COL10A1: variants seen among roughly 807,000 people sequenced by gnomAD.
COL10A1 encodes the protein collagen alpha-1(X) chain.
Under a neutral mutation model 18.2 loss-of-function variants are expected in COL10A1, and 10 were observed. The ratio of observed to expected loss-of-function variants is 0.55; its 90% CI spans 0.34 to 0.93. The LOEUF (loss-of-function observed/expected upper bound fraction) is 0.93. Ranked by LOEUF, COL10A1 falls within the 40% of genes least tolerant of loss-of-function variation. The probability of loss-of-function intolerance (pLI) is 0.02; values close to 1 mark genes in which losing one functional copy is unlikely to be tolerated. For synonymous variants in COL10A1, 330 were observed against 316.6 expected (o/e 1.04, Z -0.45); for missense variants, 897 against 853.5 (o/e 1.05, Z -0.64).
chr6:116,172,072 T>G, the COL10A1 span, among the ~76,000 whole-genome samples: 28 of 152,172 alleles, frequency 1.8e-4, no homozygotes, highest in Non-Finnish European at 4.0e-4. Context: ...CATCTATGGT[T>G]TCAGTGTTTT....
At chr6:116,150,164 G>T (rs1780002186) in intron 1 of COL10A1, among the ~76,000 whole-genome samples, 1 of 152,212 alleles carries the variant, frequency 6.6e-6, no homozygotes, top group African/African-American at 2.4e-5. Context: ...TTTTACAGAA[G>T]AGTGACCAAT....
upstream of COL10A1, among the ~76,000 whole-genome samples, chr6:116,127,121 A>G (rs1779337544): frequency 1.3e-5 from 2 of 152,200 alleles, no homozygotes; most frequent in Admixed American, 1.3e-4. Context: ...GAGGAGGACA[A>G]TTCCATACAC....
chr6:116,125,733 A>G, intron 1 of COL10A1: 1 of 360,060 alleles, frequency 2.8e-6, no homozygotes, highest in Non-Finnish European at 5.1e-6. Context: ...AAATAAAATG[A>G]TTTACCTAAA....
intron 1 of COL10A1, among the ~76,000 whole-genome samples, chr6:116,133,651 C>G (rs1779520954): frequency 6.6e-6 from 1 of 152,042 alleles, no homozygotes; most frequent in Non-Finnish European, 1.5e-5. Flanking sequence ...ATGCTGGGCC[C>G]TTGTCTGTTT....
the COL10A1 span, among the ~76,000 whole-genome samples, chr6:116,191,924 T>C: frequency 6.6e-6 from 1 of 152,094 alleles, no homozygotes; most frequent in Non-Finnish European, 1.5e-5. Flanking sequence ...TGCTGCTTCC[T>C]GTAAGCTACA....
At chr6:116,194,752 A>G in the COL10A1 span, among the ~76,000 whole-genome samples, 1 of 152,036 alleles carries the variant, frequency 6.6e-6, no homozygotes, top group African/African-American at 2.4e-5. Context: ...AAGAGTTAGA[A>G]ACAAATGACT....
At chr6:116,184,846 A>G in the COL10A1 span, among the ~76,000 whole-genome samples, 1 of 151,752 alleles carries the variant, frequency 6.6e-6, no homozygotes, top group Non-Finnish European at 1.5e-5. Context: ...TTGTTATATT[A>G]TGTTTTGTAA....
At chr6:116,209,528 C>T in the COL10A1 span, among the ~76,000 whole-genome samples, 2 of 151,922 alleles carry the variant, frequency 1.3e-5, no homozygotes, top group Admixed American at 1.3e-4. Context: ...TATAGTGTAA[C>T]ATGATGAATG....
intron 1 of COL10A1, among the ~76,000 whole-genome samples, chr6:116,154,500 C>T (rs1780131396): frequency 6.6e-6 from 1 of 151,996 alleles, no homozygotes; most frequent in Non-Finnish European, 1.5e-5. Flanking sequence ...TTTATGTTAA[C>T]CTTAATTTAA....
Position 116,121,420 on chromosome 6 carries a change from G to A in COL10A1, c.696C>T (p.Gly232=). 1.9e-6 allele frequency: 3 copies of A among 1,614,022 alleles called. No homozygotes were observed. The highest frequency in any genetic ancestry group is 2.2e-5 in the East Asian group (1 of 44,870). ...RGENGVPGQP[G]IKGDRGFPGE... ...CCGGAAAACCTCTATCACCTTTGAT[G>A]CCTGGCTGTCCTGGAACCCCATTTT... Residue 232 remains glycine (G), a synonymous_variant, in exon 3 of 3, where the codon GGC becomes GGT. Coordinates refer to ENST00000651968, the MANE Select transcript of COL10A1 (RefSeq NM_000493.4).
chr6:116,178,300 T>C, the COL10A1 span, among the ~76,000 whole-genome samples: 1 of 152,082 alleles, frequency 6.6e-6, no homozygotes, highest in Non-Finnish European at 1.5e-5. Context: ...TGAGATCAGG[T>C]GACATTGGGC....
In COL10A1 at chr6:116,139,988, A is replaced by G. The variant is rs1451634370; in HGVS notation, c.-15-14481T>C. ...ATGTGTCAGGTGTTTTGCTTTTCTT[A>G]TTTGATCCAGAAGAGACTTACGTGA... On this transcript the variant is annotated intron_variant, in intron 1 of 1. Coordinates refer to the COL10A1 transcript ENST00000418500. 2.0e-5 allele frequency among the ~76,000 whole-genome samples: 3 copies of G among 152,226 alleles called. No individual in the cohort carries two copies. The East Asian group carries it at 5.8e-4, about 29-fold the overall frequency.
At chr6:116,135,870 TATAC>T (rs1469035860) in intron 1 of COL10A1, among the ~76,000 whole-genome samples, 6,451 of 119,146 alleles carry the variant, frequency 0.054, 489 homozygotes, top group African/African-American at 0.19. Context: ...TATATATATA[TATAC>T]ACACATACAC....
the COL10A1 span, among the ~76,000 whole-genome samples, chr6:116,206,206 A>C: frequency 2.9e-4 from 44 of 152,136 alleles, no homozygotes; most frequent in African/African-American, 1.1e-3. Flanking sequence ...TGTGGCCCAT[A>C]GCATTTCGTG....
the COL10A1 span, among the ~76,000 whole-genome samples, chr6:116,195,742 C>A: frequency 6.6e-6 from 1 of 151,940 alleles, no homozygotes; most frequent in African/African-American, 2.4e-5. Context: ...GAAGTGTAGG[C>A]AGATTTAGAT....
At chr6:116,134,798 G>A (rs1231865354) in intron 1 of COL10A1, among the ~76,000 whole-genome samples, 1 of 152,146 alleles carries the variant, frequency 6.6e-6, no homozygotes, top group East Asian at 1.9e-4. Context: ...TGGCTAATAA[G>A]TTAGAATTTC....
upstream of COL10A1, among the ~76,000 whole-genome samples, chr6:116,158,997 T>C (rs1780270681): frequency 6.6e-6 from 1 of 152,192 alleles, no homozygotes; most frequent in Admixed American, 6.5e-5. Context: ...ATGCTTGCAT[T>C]AGAATAGCTC....
Position 116,120,719 on chromosome 6 carries a change from T to G in COL10A1, c.1397A>C (p.Lys466Thr), listed in dbSNP as rs1376948148. 1 of 1,582,022 alleles carries G rather than the reference T, an allele frequency of 6.3e-7. No homozygotes were observed. Among genetic ancestry groups the G allele is most frequent in the African/African-American group, 1.4e-5 (1 of 73,330 alleles). ...PPGIPGFPGS[K>T]GDPGSPGPPG... is the part of the protein sequence containing the mutation. The stretch of plus-strand genomic sequence containing the variant: ...AGGACCGGGACTTCCTGGATCCCCT[T>G]TAGACCCAGGGAATCCTGGAATGCC... The change falls in exon 3 of 3, where the codon AAA (lysine) becomes ACA (threonine). Residue 466 changes from lysine to threonine, a missense_variant. Transcript: ENST00000651968.
the COL10A1 span, among the ~76,000 whole-genome samples, chr6:116,198,576 T>A: frequency 1.3e-5 from 2 of 151,428 alleles, no homozygotes; most frequent in Middle Eastern, 3.2e-3. Flanking sequence ...GAAAAAAAAT[T>A]TAAAAATAGC....
Sources: gnomAD v4.1 joint callset for allele counts (sites outside exome capture counted in the v4.1 genomes callset) on GRCh38, gnomAD v4.1.1 for gene constraint, MANE v1.5 for transcripts, NCBI Gene and HGNC (gene_info 2026-07-23, HGNC 2026-07-21) for gene names.